OPRM1: variants seen among roughly 807,000 people sequenced by gnomAD.
OPRM1 encodes the protein mu-type opioid receptor.
Under a neutral mutation model 31.8 loss-of-function variants are expected in OPRM1, and 27 were observed. That is an observed-to-expected ratio of 0.85 (90% CI 0.63 to 1.17). OPRM1 has a LOEUF of 1.17. Ranked by LOEUF, OPRM1 falls within the 50% of genes most tolerant of loss-of-function variation. The probability of loss-of-function intolerance (pLI) is 0.00; values close to 1 mark genes in which losing one functional copy is unlikely to be tolerated. For synonymous variants in OPRM1, 196 were observed against 189.9 expected, an observed-to-expected ratio of 1.03 and a Z score of -0.26; for missense variants, 536 against 511.1, an observed-to-expected ratio of 1.05 and a Z score of -0.47.
intron 3 of OPRM1, among the ~76,000 whole-genome samples, chr6:154,180,363 C>T (rs1376941865): frequency 7.3e-6 from 1 of 136,916 alleles, no homozygotes; most frequent in African/African-American, 2.7e-5. Context: ...TATATATATA[C>T]TGAGCTAGTT....
intron 1 of OPRM1, among the ~76,000 whole-genome samples, chr6:154,089,320 C>T (rs1287848333): frequency 1.3e-5 from 2 of 152,074 alleles, no homozygotes; most frequent in African/African-American, 4.8e-5. Context: ...CGTGTGGTGT[C>T]TCATGCCTGT....
chr6:154,155,833 T>C (rs1277064712), intron 3 of OPRM1: 2 of 152,226 alleles, frequency 1.3e-5, no homozygotes, highest in South Asian at 2.1e-4. Flanking sequence ...CCTATGAATT[T>C]AAACATGTCT....
intron 1 of OPRM1, among the ~76,000 whole-genome samples, chr6:154,076,213 A>T (rs558567795): frequency 1.3e-5 from 2 of 152,344 alleles, no homozygotes; most frequent in South Asian, 4.1e-4. Flanking sequence ...TAATAACCTC[A>T]GAATAAGTAA....
At chr6:154,095,713 C>A (rs1049235023) in intron 3 of OPRM1, among the ~76,000 whole-genome samples, 4 of 152,034 alleles carry the variant, frequency 2.6e-5, no homozygotes, top group Non-Finnish European at 4.4e-5. Context: ...TTTTTTTGTG[C>A]ATGCCTGGGC....
intron 3 of OPRM1, among the ~76,000 whole-genome samples, chr6:154,216,729 G>T (rs767011904): frequency 1.2e-4 from 19 of 152,144 alleles, no homozygotes; most frequent in African/African-American, 4.3e-4. Flanking sequence ...TTAGCCAGGC[G>T]TGGTGGCACA....
intron 3 of OPRM1, among the ~76,000 whole-genome samples, chr6:154,221,754 G>A (rs1177535657): frequency 6.6e-6 from 1 of 152,012 alleles, no homozygotes; most frequent in African/African-American, 2.4e-5. Flanking sequence ...GGCACCTCTA[G>A]TCCCAGCTAC....
intron 3 of OPRM1, among the ~76,000 whole-genome samples, chr6:154,166,789 T>C (rs1799471047): frequency 6.6e-6 from 1 of 152,102 alleles, no homozygotes; most frequent in African/African-American, 2.4e-5. Context: ...GACAGTAAAA[T>C]CCCAACACGC....
chr6:154,235,765 G>A (rs1780083641), intron 3 of OPRM1, among the ~76,000 whole-genome samples: 1 of 152,132 alleles, frequency 6.6e-6, no homozygotes, highest in East Asian at 1.9e-4. Flanking sequence ...AAGAAGATAT[G>A]GAAATGGCCA....
chr6:154,067,333 C>T (rs1052302315), intron 1 of OPRM1, among the ~76,000 whole-genome samples: 2 of 151,864 alleles, frequency 1.3e-5, no homozygotes, highest in Non-Finnish European at 2.9e-5. Flanking sequence ...ATAAAAATTT[C>T]AGTGTGTTGT....
chr6:154,225,647 A>G (rs548015308), intron 3 of OPRM1, among the ~76,000 whole-genome samples: 16 of 152,324 alleles, frequency 1.1e-4, no homozygotes, highest in African/African-American at 3.8e-4. Flanking sequence ...TGGGGTGATG[A>G]AAATGTTCAC....
intron 3 of OPRM1, among the ~76,000 whole-genome samples, chr6:154,139,384 ATGGTTTCCCTTT>A (rs1327796043): frequency 5.3e-5 from 8 of 152,336 alleles, no homozygotes; most frequent in African/African-American, 1.9e-4. Context: ...GGTCTTAAAA[ATGGTTTCCCTTT>A]TGAAAACTCT....
chr6:154,197,230 A>G (rs1390834280), intron 3 of OPRM1, among the ~76,000 whole-genome samples: 2 of 152,244 alleles, frequency 1.3e-5, no homozygotes, highest in African/African-American at 4.8e-5. Context: ...TTTAAAAGTC[A>G]CAAAAATGAA....
rs986065824 is a variant in OPRM1, at chr6:154,120,124, A to G, written c.*1403A>G. On this transcript the variant is annotated 3_prime_UTR_variant, in exon 4 of 4. Transcript: ENST00000330432. ...TGATTAAAAGAATCAAATACCTTGTAGTTATCTATGATGATACAAGTAAAA... is the reference window on the plus strand; with the variant it reads ...TGATTAAAAGAATCAAATACCTTGTGGTTATCTATGATGATACAAGTAAAA... 2.6e-5 allele frequency among the ~76,000 whole-genome samples: 4 copies of G among 152,192 alleles called. No individual in the cohort carries two copies. The highest frequency in any genetic ancestry group is 4.4e-5 in the Non-Finnish European group (3 of 68,020).
intron 3 of OPRM1, chr6:154,094,316 AAGGT>A: frequency 4.7e-6 from 4 of 855,920 alleles, no homozygotes; most frequent in Non-Finnish European, 6.7e-6. Flanking sequence ...GGCAGTTATC[AAGGT>A]AATTTGATAA....
chr6:154,223,461 T>C (rs992331167), intron 3 of OPRM1, among the ~76,000 whole-genome samples: 1 of 152,104 alleles, frequency 6.6e-6, no homozygotes, highest in African/African-American at 2.4e-5. Context: ...CCAAGAGAAG[T>C]GGCATGACAT....
intron 1 of OPRM1, among the ~76,000 whole-genome samples, chr6:154,028,048 G>T (rs1207447576): frequency 6.6e-6 from 1 of 152,160 alleles, no homozygotes; most frequent in African/African-American, 2.4e-5. Context: ...TCAAGTGGAA[G>T]GAGTCTTACC....
At position 154,130,428 on chromosome 6, in the gene OPRM1, A is replaced by G. The variant is rs890725216; in HGVS notation, c.*11707A>G. ...CGTGATCTGCCTGCCTCGGCCTCCC[A>G]AAGTGTTGGGATTACAGGTGTGAGC... On this transcript the variant is annotated 3_prime_UTR_variant, in exon 4 of 4. Transcript: ENST00000330432. 1.3e-5 allele frequency among the ~76,000 whole-genome samples: 2 copies of G among 152,072 alleles called. No homozygotes were observed. The highest frequency in any genetic ancestry group is 4.8e-5 in the African/African-American group (2 of 41,402).
intron 1 of OPRM1, among the ~76,000 whole-genome samples, chr6:154,013,848 G>C (rs1405515448): frequency 1.3e-5 from 2 of 152,158 alleles, no homozygotes; most frequent in Non-Finnish European, 2.9e-5. Flanking sequence ...CATGTGGAAA[G>C]AGCCAAGGCT....
upstream of OPRM1, among the ~76,000 whole-genome samples, chr6:154,035,016 C>T (rs1163756259): frequency 6.6e-6 from 1 of 152,076 alleles, no homozygotes; most frequent in East Asian, 1.9e-4. Flanking sequence ...ATTTCTAGGC[C>T]ACATACAACA....
Sources: gnomAD v4.1 joint callset for allele counts (sites outside exome capture counted in the v4.1 genomes callset) on GRCh38, gnomAD v4.1.1 for gene constraint, MANE v1.5 for transcripts, NCBI Gene and HGNC (gene_info 2026-07-23, HGNC 2026-07-21) for gene names.